RGS7: variants seen among roughly 807,000 people sequenced by gnomAD.
RGS7 encodes the protein regulator of G-protein signaling 7.
RGS7 carries 27 observed loss-of-function variants against 81.1 expected under a neutral mutation model. That is an observed-to-expected ratio of 0.33 (90% CI 0.25 to 0.46). RGS7 has a LOEUF of 0.46. RGS7 is among the 20% of genes least tolerant of loss of function. The pLI is 1.00. For synonymous variants in RGS7, 208 were observed against 207.7 expected, an observed-to-expected ratio of 1.00 and a Z score of -0.01; for missense variants, 396 against 607.4, an observed-to-expected ratio of 0.65 and a Z score of 3.66.
chr1:241,095,479 C>T (rs1300301754), intron 3 of RGS7, among the ~76,000 whole-genome samples: 1 of 151,806 alleles, frequency 6.6e-6, no homozygotes, highest in Non-Finnish European at 1.5e-5. Context: ...TTGTCTCTAC[C>T]AAAACAAACA....
chr1:241,032,981 T>C (rs1330632015), intron 3 of RGS7, among the ~76,000 whole-genome samples: 1 of 152,006 alleles, frequency 6.6e-6, no homozygotes, highest in Admixed American at 6.6e-5. Flanking sequence ...TTTTTTTCTC[T>C]TGACTGACTG....
chr1:241,084,901 T>C (rs7556521), intron 3 of RGS7, among the ~76,000 whole-genome samples: 3 of 152,258 alleles, frequency 2.0e-5, no homozygotes, highest in Non-Finnish European at 4.4e-5. Context: ...CTGGAGTGAA[T>C]ACCTGCCTTT....
At chr1:241,150,416 G>A (rs1452356561) in intron 2 of RGS7, among the ~76,000 whole-genome samples, 1 of 151,884 alleles carries the variant, frequency 6.6e-6, no homozygotes, top group Non-Finnish European at 1.5e-5. Flanking sequence ...TTGAAAACAA[G>A]ATAACCAGAA....
At chr1:240,785,994 T>C (rs1172626409) in intron 18 of RGS7, among the ~76,000 whole-genome samples, 1 of 152,182 alleles carries the variant, frequency 6.6e-6, no homozygotes, top group Admixed American at 6.5e-5. Flanking sequence ...ATATTTAATG[T>C]TGAATGCTGA....
At chr1:241,308,263 G>A (rs780423855) in intron 2 of RGS7, among the ~76,000 whole-genome samples, 49 of 152,228 alleles carry the variant, frequency 3.2e-4, no homozygotes, top group South Asian at 6.2e-4. Context: ...ATCAAATCCC[G>A]TACAGTCCAT....
At chr1:240,856,102 A>G (rs1324031100) in intron 9 of RGS7, among the ~76,000 whole-genome samples, 3 of 152,162 alleles carry the variant, frequency 2.0e-5, no homozygotes, top group Non-Finnish European at 4.4e-5. Flanking sequence ...ATCTTGCTCC[A>G]AGTATTTTCA....
intron 3 of RGS7, among the ~76,000 whole-genome samples, chr1:241,097,450 G>A (rs538610620): frequency 2.6e-5 from 4 of 152,100 alleles, no homozygotes; most frequent in Admixed American, 1.3e-4. Context: ...ACCCCGACAC[G>A]GAGGCCGCTT....
In RGS7 at chr1:240,926,186, C is replaced by T. The variant is rs186977073; in HGVS notation, c.385+4531G>A. On this transcript the variant is annotated intron_variant, in intron 6 of 18. Transcript: ENST00000440928. ...TCAATTTTGGTTTCTCTTGCAATTGCTTTTGAGGACTTAGTGATGAATTAT... is the reference window on the plus strand; with the variant it reads ...TCAATTTTGGTTTCTCTTGCAATTGTTTTTGAGGACTTAGTGATGAATTAT... Among the ~76,000 whole-genome samples, 56 of 152,168 alleles carry T rather than the reference C, an allele frequency of 3.7e-4. No homozygotes were observed. In the South Asian group the frequency reaches 7.1e-3, roughly 19 times the overall value.
chr1:240,808,255 C>T (rs540109167), intron 14 of RGS7, among the ~76,000 whole-genome samples: 25 of 152,174 alleles, frequency 1.6e-4, no homozygotes, highest in Non-Finnish European at 2.8e-4. Context: ...ACGAACTAGA[C>T]GGTCTGGGAA....
intron 2 of RGS7, among the ~76,000 whole-genome samples, chr1:241,107,097 G>C (rs12022439): frequency 1.3e-5 from 2 of 152,222 alleles, no homozygotes; most frequent in East Asian, 3.9e-4. Context: ...ACTCGAAGAC[G>C]GGCACATAAG....
intron 2 of RGS7, among the ~76,000 whole-genome samples, chr1:241,235,739 TTCTCTC>T (rs139518825): frequency 2.0e-5 from 3 of 148,624 alleles, no homozygotes; most frequent in Non-Finnish European, 4.5e-5. Context: ...TTCCTTCTCT[TTCTCTC>T]TCTCTCTCTC....
chr1:240,798,528 A>G (rs897854542), intron 18 of RGS7, among the ~76,000 whole-genome samples: 7 of 152,188 alleles, frequency 4.6e-5, no homozygotes, highest in Admixed American at 1.3e-4. Context: ...GTCAAAGAGC[A>G]GGGTGGATCC....
rs140302239 is a variant in RGS7 at position 241,112,516 on chromosome 1, A to G, written c.79-13754T>C. Among the ~76,000 whole-genome samples the G allele has an allele frequency of 5.8e-3, 884 of 152,340 alleles. 14 individuals are homozygous for G. The highest frequency in any genetic ancestry group is 0.02 in the African/African-American group (839 of 41,584). On this transcript the variant is annotated intron_variant, in intron 2 of 18. Transcript: ENST00000440928. Reference sequence around the variant, plus strand: ...AAAGGACAAAAGCATCCTCATGCCAATGAAGAAGATTTATTTCAGGTGTAC... The same window carrying G: ...AAAGGACAAAAGCATCCTCATGCCAGTGAAGAAGATTTATTTCAGGTGTAC...
chr1:240,983,094 T>A lies in RGS7; in HGVS notation c.211A>T (p.Thr71Ser). 2 of 1,544,750 alleles carry A rather than the reference T, an allele frequency of 1.3e-6. No homozygotes were observed. The highest frequency in any genetic ancestry group is 1.8e-6 in the Non-Finnish European group (2 of 1,120,530). ...DIVQWLIKNL[T>S]IEDPVEALHL... ...ATTTATTTACCTGGATCTTCTATAG[T>A]TAAGTTCTTTATCAACCATTGAACA... The change falls in exon 4 of 19, where the codon ACT becomes TCT. Residue 71 changes from threonine to serine, a missense_variant. Transcript: ENST00000440928.
intron 2 of RGS7, among the ~76,000 whole-genome samples, chr1:241,153,796 A>G (rs1203827010): frequency 1.3e-5 from 2 of 152,220 alleles, no homozygotes; most frequent in African/African-American, 4.8e-5. Context: ...GGTCTCTTCA[A>G]ATACAGCAAG....
chr1:240,891,121 G>C (rs985110795), intron 6 of RGS7, among the ~76,000 whole-genome samples: 7 of 152,138 alleles, frequency 4.6e-5, no homozygotes, highest in Non-Finnish European at 7.3e-5. Context: ...GCTCTTAGTT[G>C]AGTAACAAGT....
intron 2 of RGS7, among the ~76,000 whole-genome samples, chr1:241,236,887 T>C (rs115083856): frequency 0.022 from 3,295 of 152,328 alleles, 110 homozygotes; most frequent in African/African-American, 0.075. Flanking sequence ...GAGTAAAACC[T>C]ATGCTTTGTT....
chr1:241,352,118 C>G (rs908232958), intron 2 of RGS7, among the ~76,000 whole-genome samples: 1 of 152,150 alleles, frequency 6.6e-6, no homozygotes, highest in African/African-American at 2.4e-5. Context: ...GTGCTGCCCC[C>G]ACAAAGGAGA....
intron 3 of RGS7, among the ~76,000 whole-genome samples, chr1:241,058,152 G>C (rs1453218404): frequency 6.6e-6 from 1 of 152,158 alleles, no homozygotes; most frequent in Non-Finnish European, 1.5e-5. Context: ...CAGGATTTGG[G>C]CAAATGGGCT....
Sources: gnomAD v4.1 joint callset for allele counts (sites outside exome capture counted in the v4.1 genomes callset) on GRCh38, gnomAD v4.1.1 for gene constraint, MANE v1.5 for transcripts, NCBI Gene and HGNC (gene_info 2026-07-23, HGNC 2026-07-21) for gene names.